The following GRIN2A variants were observed in gnomAD, a reference collection of about 807,000 sequenced individuals.
GRIN2A encodes the protein glutamate receptor ionotropic, NMDA 2A.
In GRIN2A, 22 loss-of-function variants were observed where a neutral mutation model predicts 113.4. The observed-to-expected ratio is 0.19, with a 90% CI of 0.14 to 0.28. The LOEUF is 0.28. Ranked by LOEUF, GRIN2A falls within the 10% of genes least tolerant of loss-of-function variation. GRIN2A has a pLI of 1.00. For missense variants in GRIN2A, 1,502 were observed against 1,887.0 expected (o/e 0.80, Z 3.78); for synonymous variants, 827 against 738.4 (o/e 1.12, Z -1.94).
intron 3 of GRIN2A, among the ~76,000 whole-genome samples, chr16:9,908,043 CG>C (rs1567169244): frequency 6.6e-6 from 1 of 152,172 alleles, no homozygotes; most frequent in East Asian, 1.9e-4. Flanking sequence ...GAGAATGTCC[CG>C]GTGTGCTGGA....
intron 2 of GRIN2A, among the ~76,000 whole-genome samples, chr16:10,109,014 T>TAAA (rs56946708): frequency 3.7e-4 from 42 of 114,134 alleles, no homozygotes; most frequent in African/African-American, 1.5e-3. Context: ...TGATTCTCTT[T>TAAA]AAAAAAAAAA....
In GRIN2A at chr16:9,922,972, G is replaced by C. The variant is rs566085236; in HGVS notation, c.1007+14987C>G. ...AATGTGTGTTCTGTTGTTGGGTGGA[G>C]TGTTCCACAAGCAAATATTAGGTCA... is the stretch of plus-strand genomic sequence containing the variant. On this transcript the variant is annotated intron_variant, in intron 3 of 12. Coordinates refer to ENST00000330684, the MANE Select transcript of GRIN2A (RefSeq NM_001134407.3). Among the ~76,000 whole-genome samples the C allele has an allele frequency of 3.3e-5, 5 of 152,260 alleles. No individual in the cohort carries two copies. In the East Asian group the frequency reaches 9.6e-4, roughly 29 times the overall value.
intron 2 of GRIN2A, among the ~76,000 whole-genome samples, chr16:10,071,130 A>G (rs1188481843): frequency 6.6e-6 from 1 of 152,240 alleles, no homozygotes; most frequent in Non-Finnish European, 1.5e-5. Flanking sequence ...AGTAATACCT[A>G]CATAAAAGAA....
chr16:9,883,082 C>T (rs765302240), intron 4 of GRIN2A, among the ~76,000 whole-genome samples: 2 of 152,148 alleles, frequency 1.3e-5, no homozygotes, highest in Non-Finnish European at 2.9e-5. Flanking sequence ...GGTCACTAAC[C>T]AGAGAGAAAC....
intron 4 of GRIN2A, among the ~76,000 whole-genome samples, chr16:9,886,282 T>C (rs985270004): frequency 6.6e-6 from 1 of 152,184 alleles, no homozygotes; most frequent in South Asian, 2.1e-4. Context: ...ATGAATTGCA[T>C]TTTGGCTTTA....
chr16:9,918,925 C>A (rs567661118), intron 3 of GRIN2A, among the ~76,000 whole-genome samples: 5 of 151,950 alleles, frequency 3.3e-5, no homozygotes, highest in Admixed American at 6.6e-5. Flanking sequence ...GTAATCCCAG[C>A]GTTTTGGGAA....
At position 10,180,220 on chromosome 16, in the gene GRIN2A, G is replaced by T. The variant is rs1447243855; in HGVS notation, c.192C>A (p.Pro64=). ...GCAGAGCTACCACGTTCACGTCCAGGGGCAGCCCCGCCGCCTGCTCGGGGC... is the reference window on the plus strand; with the variant it reads ...GCAGAGCTACCACGTTCACGTCCAGTGGCAGCCCCGCCGCCTGCTCGGGGC... ...LWGPEQAAGL[P]LDVNVVALLM... Residue 64 remains proline (P), a synonymous_variant, in exon 2 of 13, where the codon CCC becomes CCA. Coordinates refer to ENST00000330684, the MANE Select transcript of GRIN2A (RefSeq NM_001134407.3). The surrounding 1 kb of genome is among the most constrained non-coding windows in gnomAD (Gnocchi z 7.0). 1.9e-6 allele frequency: 3 copies of T among 1,613,994 alleles called. No homozygotes were observed. The highest frequency in any genetic ancestry group is 2.5e-6 in the Non-Finnish European group (3 of 1,180,042).
At chr16:9,887,076 G>A (rs8062828) in intron 4 of GRIN2A, among the ~76,000 whole-genome samples, 43,697 of 151,920 alleles carry the variant, frequency 0.29, 7,312 homozygotes, top group African/African-American at 0.46. Context: ...CAGTAGAGAC[G>A]AGATTTCATC....
intron 4 of GRIN2A, among the ~76,000 whole-genome samples, chr16:9,871,582 T>C (rs1195783022): frequency 6.6e-6 from 1 of 152,210 alleles, no homozygotes; most frequent in Non-Finnish European, 1.5e-5. Flanking sequence ...ATACTTGGCA[T>C]GTATATCATT....
Position 10,012,031 on chromosome 16 carries a change from T to C in GRIN2A, c.415-73480A>G, listed in dbSNP as rs143910934. Among the ~76,000 whole-genome samples the C allele has an allele frequency of 2.6e-3, 399 of 152,302 alleles. 5 individuals are homozygous for C. Among genetic ancestry groups the C allele is most frequent in the African/African-American group, 9.3e-3 (388 of 41,546 alleles). ...GGTGTGATGCACTAATTAGTTAGGA[T>C]CCCAGTCCAATCAGTGATACTTGGA... On this transcript the variant is annotated intron_variant, in intron 2 of 12. Coordinates refer to ENST00000330684, the MANE Select transcript of GRIN2A (RefSeq NM_001134407.3).
chr16:10,156,095 G>A (rs2049689094), intron 2 of GRIN2A, among the ~76,000 whole-genome samples: 1 of 152,182 alleles, frequency 6.6e-6, no homozygotes, highest in South Asian at 2.1e-4. Flanking sequence ...AAACTGTCAG[G>A]CTTCCTGCCC....
At chr16:9,979,794 T>C (rs1333919166) in intron 2 of GRIN2A, among the ~76,000 whole-genome samples, 2 of 144,394 alleles carry the variant, frequency 1.4e-5, no homozygotes, top group African/African-American at 2.5e-5. Flanking sequence ...ACTATATATA[T>C]ATATATATAT....
intron 2 of GRIN2A, among the ~76,000 whole-genome samples, chr16:10,137,540 C>T (rs144461602): frequency 4.6e-5 from 7 of 152,272 alleles, no homozygotes; most frequent in South Asian, 4.1e-4. Context: ...AAACGGAGGA[C>T]GAAGTTCAAA....
At chr16:9,817,649 C>G (rs1242948841) in intron 10 of GRIN2A, among the ~76,000 whole-genome samples, 1 of 152,210 alleles carries the variant, frequency 6.6e-6, no homozygotes, top group African/African-American at 2.4e-5. Context: ...ATGACTTGTC[C>G]CAGGACACAG....
intron 2 of GRIN2A, among the ~76,000 whole-genome samples, chr16:10,101,541 T>C (rs2121942): frequency 0.97 from 148,140 of 152,286 alleles, 72,196 homozygotes; most frequent in East Asian, 1. Flanking sequence ...AAGATTGCTC[T>C]CTGCTTTTGG....
chr16:9,812,220 A>C (rs1029863307), intron 10 of GRIN2A, among the ~76,000 whole-genome samples: 8 of 152,200 alleles, frequency 5.3e-5, no homozygotes, highest in African/African-American at 1.2e-4. Context: ...AGGTGGATGA[A>C]AATCTTGATG....
chr16:10,034,207 A>G (rs1226818992), intron 2 of GRIN2A, among the ~76,000 whole-genome samples: 1 of 152,128 alleles, frequency 6.6e-6, no homozygotes, highest in East Asian at 1.9e-4. Flanking sequence ...GTCAGTGATC[A>G]GGGAAGCTTA....
At chr16:10,129,607 G>T (rs1463413588) in intron 2 of GRIN2A, among the ~76,000 whole-genome samples, 1 of 152,176 alleles carries the variant, frequency 6.6e-6, no homozygotes, top group East Asian at 1.9e-4. Flanking sequence ...AAGTGCAAAG[G>T]TGAGTGTGAG....
intron 3 of GRIN2A, among the ~76,000 whole-genome samples, chr16:9,921,557 G>A (rs553528127): frequency 3.3e-5 from 5 of 152,324 alleles, no homozygotes; most frequent in African/African-American, 1.2e-4. Flanking sequence ...TCACAGAGAT[G>A]TTGTGACAAT....
Sources: allele counts gnomAD v4.1 joint callset (sites outside exome capture counted in the v4.1 genomes callset), GRCh38; gene constraint gnomAD v4.1.1; non-coding constraint Gnocchi (gnomAD v3.1); transcripts MANE v1.5; gene names NCBI Gene and HGNC (gene_info 2026-07-23, HGNC 2026-07-21).